ST6GALNAC2: variants seen among roughly 807,000 people sequenced by gnomAD.
ST6GALNAC2 encodes the protein ST6 N-acetylgalactosaminide alpha-2,6-sialyltransferase 2.
A neutral mutation model predicts 38.7 loss-of-function variants in ST6GALNAC2; 42 were observed. The ratio of observed to expected loss-of-function variants is 1.09; its 90% CI spans 0.85 to 1.40. ST6GALNAC2 has a LOEUF of 1.40. Among genes scored for constraint, ST6GALNAC2 ranks in the 40% most tolerant of loss-of-function variants. The pLI is 0.00. For missense variants in ST6GALNAC2, 506 were observed against 481.7 expected (o/e 1.05, Z -0.47); for synonymous variants, 233 against 209.0 (o/e 1.11, Z -0.99).
At chr17:76,568,959 T>C (rs2241916) in intron 6 of ST6GALNAC2, 163 bp from the exon 7 acceptor site, 120,109 of 629,796 alleles carry the variant, frequency 0.19, 12,561 homozygotes, top group South Asian at 0.27. Flanking sequence ...TGGCAGGCAG[T>C]ACGTTGGGGA....
rs761974537 is a variant in ST6GALNAC2, at chr17:76,568,924, TAGC to T, written c.774-131_774-129del. ...GCGGTAGGAGCGGGGCTGGGAGTAG[TAGC>T]GGGAGAAGGGGGTGTAGAAGGTGGC... is the stretch of plus-strand genomic sequence containing the variant. On this transcript the variant is annotated intron_variant, in intron 6 of 8. Coordinates refer to ENST00000225276, the MANE Select transcript of ST6GALNAC2 (RefSeq NM_006456.3). 3.7e-6 allele frequency: 3 copies of T among 805,686 alleles called. No individual in the cohort carries two copies. The African/African-American group carries it at 5.4e-5, about 14-fold the overall frequency. 49.9% of individuals were successfully genotyped at this position (805,686 alleles called of 1,614,324 possible).
intron 2 of ST6GALNAC2, among the ~76,000 whole-genome samples, chr17:76,574,944 G>A (rs1383166274): frequency 6.6e-6 from 1 of 152,122 alleles, no homozygotes; most frequent in Non-Finnish European, 1.5e-5. Context: ...CCAAAGTGCT[G>A]GGATTACAGG....
At chr17:76,578,636 G>T in intron 2 of ST6GALNAC2, 120 bp downstream of exon 2, 2 of 908,198 alleles carry the variant, frequency 2.2e-6, no homozygotes, top group South Asian at 1.6e-5. Context: ...CTGTAACTTA[G>T]GGCGTTCCAA....
At chr17:76,571,603 C>T (rs976525144) in intron 5 of ST6GALNAC2, among the ~76,000 whole-genome samples, 6 of 152,172 alleles carry the variant, frequency 3.9e-5, no homozygotes, top group African/African-American at 1.4e-4. Flanking sequence ...CAAAACAAAA[C>T]AAAAGTCTAA....
chr17:76,572,332 TC>T (rs369839460), intron 5 of ST6GALNAC2, among the ~76,000 whole-genome samples: 558 of 152,216 alleles, frequency 3.7e-3, no homozygotes, highest in Middle Eastern at 0.014. Flanking sequence ...CAGGCTTTTA[TC>T]CCCACACCAG....
At chr17:76,569,370 A>G (rs1230552724) in intron 6 of ST6GALNAC2, 1 of 363,714 alleles carries the variant, frequency 2.7e-6, no homozygotes, top group East Asian at 3.8e-5. Context: ...ATTTGAAACC[A>G]GACTGGGAGG....
chr17:76,582,657 C>T (rs927268251), intron 1 of ST6GALNAC2, among the ~76,000 whole-genome samples: 15 of 152,314 alleles, frequency 9.8e-5, no homozygotes, highest in South Asian at 6.2e-4. Context: ...CCAGACTGGG[C>T]TCCACTCTAA....
chr17:76,585,079 A>T (rs528426129), intron 1 of ST6GALNAC2, among the ~76,000 whole-genome samples: 10 of 152,336 alleles, frequency 6.6e-5, no homozygotes, highest in African/African-American at 2.4e-4. Context: ...GGATGGAGCC[A>T]GGAGTCACCC....
At chr17:76,582,459 A>G (rs11077834) in intron 1 of ST6GALNAC2, among the ~76,000 whole-genome samples, 113,689 of 151,062 alleles carry the variant, frequency 0.75, 43,113 homozygotes, top group East Asian at 0.84. Flanking sequence ...ACGAGCCACC[A>G]TGCCCGGCCT....
At chr17:76,567,374 A>G (rs1161581881) in intron 8 of ST6GALNAC2, 79 bp downstream of exon 8, 1 of 1,018,314 alleles carries the variant, frequency 9.8e-7, no homozygotes, top group African/African-American at 1.6e-5. Context: ...CTCCGAGGTA[A>G]GGGATATCAG....
chr17:76,579,356 A>C (rs1331192730), intron 1 of ST6GALNAC2, among the ~76,000 whole-genome samples: 1 of 152,262 alleles, frequency 6.6e-6, no homozygotes, highest in East Asian at 1.9e-4. Flanking sequence ...TTATAGGAAC[A>C]GTGAGATGGT....
intron 2 of ST6GALNAC2, among the ~76,000 whole-genome samples, chr17:76,577,573 ATTTTTTTT>A (rs71158024): frequency 8.5e-6 from 1 of 117,104 alleles, no homozygotes; most frequent in Admixed American, 8.8e-5. Context: ...TGGCCTCTGT[ATTTTTTTT>A]TTTTTTTTTT....
intron 1 of ST6GALNAC2, among the ~76,000 whole-genome samples, chr17:76,584,604 A>C (rs60832343): frequency 0.039 from 5,862 of 152,190 alleles, 401 homozygotes; most frequent in African/African-American, 0.13. Context: ...CGCCTCCCAG[A>C]GTGCTGGGAC....
intron 8 of ST6GALNAC2, among the ~76,000 whole-genome samples, chr17:76,566,493 G>A (rs1269572902): frequency 1.3e-5 from 2 of 152,106 alleles, no homozygotes; most frequent in Non-Finnish European, 2.9e-5. Context: ...TGGAACTCAA[G>A]GGTGGAGGCA....
intron 1 of ST6GALNAC2, among the ~76,000 whole-genome samples, chr17:76,579,207 C>T (rs915790676): frequency 1.3e-5 from 2 of 152,278 alleles, no homozygotes; most frequent in African/African-American, 4.8e-5. Flanking sequence ...GCGTAAGCCA[C>T]TGCGCCCAGC....
chr17:76,584,002 G>T (rs1489141026), intron 1 of ST6GALNAC2, among the ~76,000 whole-genome samples: 4 of 64,064 alleles, frequency 6.2e-5, no homozygotes, highest in Non-Finnish European at 1.5e-4. Context: ...TAGAGACGGG[G>T]TTTCACCGTG....
chr17:76,573,097 C>G lies in ST6GALNAC2; in HGVS notation c.530+98G>C. On this transcript the variant is annotated intron_variant, in intron 4 of 8. Transcript: ENST00000225276. This position sits in a 1 kb window ranked among gnomAD's most constrained non-coding sequence, Gnocchi z 5.1. Reference sequence around the variant, plus strand: ...TGCTGGTCACAACTGCTGAGCCGCCCAGGCCACTGCTGCCATAGCCCACTG... The same window carrying G: ...TGCTGGTCACAACTGCTGAGCCGCCGAGGCCACTGCTGCCATAGCCCACTG... 1 of 1,340,118 alleles carries G rather than the reference C, an allele frequency of 7.5e-7. No homozygotes were observed. The allele number at this position is 1,340,118 out of a possible 1,614,324, so 83.0% of individuals were successfully genotyped here.
rs184050969 is a variant in ST6GALNAC2, at chr17:76,577,170, G to A, written c.186+1586C>T. ...CAACCTCCACCTCCCAGGTTCAAGT[G>A]ATTCTCCTGCCTTAGCCTCCCAAGT... On this transcript the variant is annotated intron_variant, in intron 2 of 8. Transcript: ENST00000225276. Among the ~76,000 whole-genome samples, 1,073 of 148,830 alleles carry A rather than the reference G, an allele frequency of 7.2e-3. 11 individuals are homozygous for A. Among genetic ancestry groups the A allele is most frequent in the African/African-American group, 0.026 (1,022 of 40,026 alleles).
chr17:76,578,488 G>A (rs933681732), intron 2 of ST6GALNAC2, among the ~76,000 whole-genome samples: 3 of 152,144 alleles, frequency 2.0e-5, no homozygotes, highest in Non-Finnish European at 4.4e-5. Flanking sequence ...GACTATTTAA[G>A]ATACAATCTT....
Sources: allele counts gnomAD v4.1 joint callset (sites outside exome capture counted in the v4.1 genomes callset), GRCh38; gene constraint gnomAD v4.1.1; non-coding constraint Gnocchi (gnomAD v3.1); transcripts MANE v1.5; gene names NCBI Gene and HGNC (gene_info 2026-07-23, HGNC 2026-07-21).